GPC6: variants seen among roughly 807,000 people sequenced by gnomAD.
GPC6 encodes glypican-6.
Under a neutral mutation model 55.2 loss-of-function variants are expected in GPC6, and 14 were observed. That is an observed-to-expected ratio of 0.25 (90% CI 0.17 to 0.40). GPC6 has a LOEUF of 0.40. Ranked by LOEUF, GPC6 falls within the 10% of genes least tolerant of loss-of-function variation. The pLI is 1.00. For missense variants in GPC6, 641 were observed against 708.5 expected (o/e 0.90, Z 1.08); for synonymous variants, 278 against 259.6 (o/e 1.07, Z -0.68).
At chr13:93,909,904 C>G (rs560845005) in intron 3 of GPC6, among the ~76,000 whole-genome samples, 2 of 152,212 alleles carry the variant, frequency 1.3e-5, no homozygotes, top group African/African-American at 4.8e-5. Flanking sequence ...CTCTCAGGTT[C>G]CATCCAATCA....
Position 93,381,025 on chromosome 13 carries a change from A to G in GPC6, c.160+153409A>G, listed in dbSNP as rs533215567. Among the ~76,000 whole-genome samples the G allele has an allele frequency of 1.1e-3, 175 of 152,300 alleles. 1 individual carries two copies. Among genetic ancestry groups the G allele is most frequent in the African/African-American group, 4.1e-3 (169 of 41,582 alleles). On this transcript the variant is annotated intron_variant, in intron 1 of 8. Coordinates refer to ENST00000377047, the MANE Select transcript of GPC6 (RefSeq NM_005708.5). ...AATTTTATTTTAAGTGTCTCATTTT[A>G]AATTCTTAATCTGAAAGCATAAATT...
At chr13:93,646,674 AATT>A (rs1392311433) in intron 2 of GPC6, among the ~76,000 whole-genome samples, 3 of 152,068 alleles carry the variant, frequency 2.0e-5, no homozygotes, top group African/African-American at 7.2e-5. Flanking sequence ...TCATAATGAT[AATT>A]ATTTTTGTCA....
chr13:93,553,159 C>T lies in GPC6; in HGVS notation c.319+7738C>T, dbSNP rs11838442. The stretch of plus-strand genomic sequence containing the variant: ...ACTCACTCTCTCTGGGATTTGGTAC[C>T]AGCAGATTCTTTATGTTCCTTAGTG... On this transcript the variant is annotated intron_variant, in intron 2 of 8. Transcript: ENST00000377047. Among the ~76,000 whole-genome samples, 239 of 152,196 alleles carry T rather than the reference C, an allele frequency of 1.6e-3. 1 individual carries two copies. Among genetic ancestry groups the T allele is most frequent in the African/African-American group, 5.6e-3 (233 of 41,538 alleles).
intron 6 of GPC6, among the ~76,000 whole-genome samples, chr13:94,324,742 C>T (rs1877024430): frequency 6.6e-6 from 1 of 151,646 alleles, no homozygotes; most frequent in Admixed American, 6.6e-5. Context: ...TTTATGTCCA[C>T]CCATTGTCCT....
At chr13:93,621,053 T>C (rs1001749905) in intron 2 of GPC6, among the ~76,000 whole-genome samples, 1 of 152,178 alleles carries the variant, frequency 6.6e-6, no homozygotes, top group Non-Finnish European at 1.5e-5. Flanking sequence ...CTGTAACAGT[T>C]ATGGTGGTGA....
At chr13:94,078,272 A>G (rs913435967) in intron 4 of GPC6, among the ~76,000 whole-genome samples, 1 of 151,932 alleles carries the variant, frequency 6.6e-6, no homozygotes, top group African/African-American at 2.4e-5. Context: ...ATTAGTACTG[A>G]AAGAGAAGTT....
chr13:93,559,363 T>C (rs1875638737), intron 2 of GPC6, among the ~76,000 whole-genome samples: 1 of 152,164 alleles, frequency 6.6e-6, no homozygotes, highest in African/African-American at 2.4e-5. Flanking sequence ...CATAAAGTTT[T>C]CCCCCACAGT....
At chr13:94,014,159 A>G (rs1882363325) in intron 3 of GPC6, among the ~76,000 whole-genome samples, 1 of 152,166 alleles carries the variant, frequency 6.6e-6, no homozygotes, top group Admixed American at 6.5e-5. Flanking sequence ...GAGTGTAGAC[A>G]TTTTAATCAG....
At chr13:94,111,487 T>TAATAAG (rs1415340571) in intron 4 of GPC6, among the ~76,000 whole-genome samples, 40 of 147,914 alleles carry the variant, frequency 2.7e-4, no homozygotes, top group African/African-American at 9.8e-4. Context: ...ATAATAATAA[T>TAATAAG]AATAATAATA....
rs1468984930 is a variant in GPC6 at position 93,921,907 on chromosome 13, T to G, written c.711+91362T>G. The stretch of plus-strand genomic sequence containing the variant: ...GGAACTGCCCTCTTCTAACCAGTAT[T>G]TCCCTGTCTCCTGTCCGTATCAATA... On this transcript the variant is annotated intron_variant, in intron 3 of 8. Transcript: ENST00000377047. Among the ~76,000 whole-genome samples the G allele has an allele frequency of 3.3e-5, 5 of 151,884 alleles. No individual in the cohort carries two copies. In the East Asian group the frequency reaches 5.9e-4, roughly 18 times the overall value.
At chr13:93,779,227 C>T (rs907124422) in intron 2 of GPC6, among the ~76,000 whole-genome samples, 5 of 152,060 alleles carry the variant, frequency 3.3e-5, no homozygotes, top group African/African-American at 7.2e-5. Context: ...CTTAGTATTG[C>T]GGCTACCAGT....
chr13:93,927,537 A>T lies in GPC6; in HGVS notation c.711+96992A>T, dbSNP rs546269916. ...TATCCCTCTGTTTTGACTATTCAAG[A>T]CCAAAGATATGCAGAGTTCAATGGG... On this transcript the variant is annotated intron_variant, in intron 3 of 8. Transcript: ENST00000377047. Among the ~76,000 whole-genome samples the T allele has an allele frequency of 3.9e-5, 6 of 152,230 alleles. 1 individual carries two copies. In the South Asian group the frequency reaches 1.2e-3, roughly 32 times the overall value.
intron 1 of GPC6, among the ~76,000 whole-genome samples, chr13:93,532,900 A>G (rs1881923772): frequency 6.6e-6 from 1 of 152,236 alleles, no homozygotes; most frequent in South Asian, 2.1e-4. Context: ...TTTTAGAACT[A>G]CAAGAATTAG....
intron 3 of GPC6, among the ~76,000 whole-genome samples, chr13:93,991,278 T>C (rs1372067706): frequency 1.3e-5 from 2 of 152,188 alleles, no homozygotes; most frequent in East Asian, 3.8e-4. Flanking sequence ...AAATATTGCT[T>C]AGGAAGAAAA....
chr13:93,341,625 C>G (rs1184729856), intron 1 of GPC6, among the ~76,000 whole-genome samples: 4 of 149,664 alleles, frequency 2.7e-5, no homozygotes, highest in Admixed American at 2.7e-4. Context: ...TGCTTGAGTT[C>G]CTTGTAGATT....
At chr13:93,920,258 C>A (rs1340535741) in intron 3 of GPC6, among the ~76,000 whole-genome samples, 1 of 152,106 alleles carries the variant, frequency 6.6e-6, no homozygotes, top group Non-Finnish European at 1.5e-5. Context: ...TGTTTCTATT[C>A]TATTTTCATG....
At chr13:93,399,849 T>C (rs561582231) in intron 1 of GPC6, among the ~76,000 whole-genome samples, 1 of 149,654 alleles carries the variant, frequency 6.7e-6, no homozygotes, top group Admixed American at 6.6e-5. Context: ...GATCTCTGTC[T>C]TTTGCAGAGG....
At chr13:93,811,199 A>G (rs949615795) in intron 2 of GPC6, among the ~76,000 whole-genome samples, 1 of 152,238 alleles carries the variant, frequency 6.6e-6, no homozygotes, top group African/African-American at 2.4e-5. Flanking sequence ...TTAATTACTT[A>G]AAAGGTTAAG....
intron 3 of GPC6, among the ~76,000 whole-genome samples, chr13:93,896,311 T>A (rs1032462188): frequency 6.6e-5 from 10 of 152,064 alleles, no homozygotes; most frequent in African/African-American, 2.4e-4. Context: ...AAAAAATGTT[T>A]AAGCCGTACA....
Sources: gnomAD v4.1 joint callset for allele counts (sites outside exome capture counted in the v4.1 genomes callset) on GRCh38, gnomAD v4.1.1 for gene constraint, MANE v1.5 for transcripts, NCBI Gene and HGNC (gene_info 2026-07-23, HGNC 2026-07-21) for gene names.